Variants in PRKD1 observed in about 807,000 individuals in gnomAD.
The protein encoded by PRKD1 is serine/threonine-protein kinase D1.
In PRKD1, 63 loss-of-function variants were observed where a neutral mutation model predicts 95.9. That is an observed-to-expected ratio of 0.66 (90% CI 0.54 to 0.81). The LOEUF is 0.81. PRKD1 is among the 30% of genes least tolerant of loss of function. The pLI is 0.00. For synonymous variants in PRKD1, 425 were observed against 423.1 expected (o/e 1.00, Z -0.05); for missense variants, 1,048 against 1,165.3 (o/e 0.90, Z 1.47).
chr14:29,879,812 A>C (rs1746558718), intron 1 of PRKD1, among the ~76,000 whole-genome samples: 1 of 151,946 alleles, frequency 6.6e-6, no homozygotes, highest in South Asian at 2.1e-4. Flanking sequence ...AGCAAAGGTG[A>C]CTCTTGTTAT....
chr14:29,588,386 A>G (rs932832527), intron 16 of PRKD1, among the ~76,000 whole-genome samples: 2 of 152,106 alleles, frequency 1.3e-5, no homozygotes, highest in East Asian at 3.9e-4. Context: ...TACTGGCTAT[A>G]TTTTTCAATC....
At chr14:29,875,922 T>C (rs1208747088) in intron 1 of PRKD1, among the ~76,000 whole-genome samples, 2 of 152,122 alleles carry the variant, frequency 1.3e-5, no homozygotes, top group Non-Finnish European at 2.9e-5. Flanking sequence ...CCCTCCCACC[T>C]CTCTTTGACA....
intron 2 of PRKD1, among the ~76,000 whole-genome samples, chr14:29,697,379 A>G (rs1268783448): frequency 6.6e-6 from 1 of 152,198 alleles, no homozygotes; most frequent in Non-Finnish European, 1.5e-5. Flanking sequence ...CACAACTCCT[A>G]ACGTTTCTAT....
At chr14:29,736,509 TTAAAC>T (rs1886720668) in intron 1 of PRKD1, among the ~76,000 whole-genome samples, 1 of 152,176 alleles carries the variant, frequency 6.6e-6, no homozygotes, top group Non-Finnish European at 1.5e-5. Context: ...AAAACCCTCA[TTAAAC>T]TAAACAGGCT....
At chr14:29,612,526 G>A (rs1030757828) in intron 13 of PRKD1, among the ~76,000 whole-genome samples, 2 of 152,148 alleles carry the variant, frequency 1.3e-5, no homozygotes, top group Non-Finnish European at 2.9e-5. Flanking sequence ...CTAATGCACA[G>A]TTAAGGAAAC....
intron 1 of PRKD1, among the ~76,000 whole-genome samples, chr14:29,836,460 C>A (rs752567801): frequency 2.0e-5 from 3 of 152,096 alleles, no homozygotes; most frequent in Non-Finnish European, 4.4e-5. Context: ...AGGTGGGGTG[C>A]TCCTGAAGAA....
At chr14:29,589,208 T>G (rs1048053678) in intron 16 of PRKD1, among the ~76,000 whole-genome samples, 1 of 152,196 alleles carries the variant, frequency 6.6e-6, no homozygotes, top group African/African-American at 2.4e-5. Flanking sequence ...ATAATGGAAA[T>G]GTACTATGAC....
At chr14:29,668,601 T>G (rs1882658166) in intron 2 of PRKD1, among the ~76,000 whole-genome samples, 1 of 152,188 alleles carries the variant, frequency 6.6e-6, no homozygotes, top group Non-Finnish European at 1.5e-5. Flanking sequence ...TCTTTTATGG[T>G]TCATTATAAA....
At chr14:29,905,333 T>G (rs369432760) in intron 1 of PRKD1, among the ~76,000 whole-genome samples, 1 of 152,326 alleles carries the variant, frequency 6.6e-6, no homozygotes, top group South Asian at 2.1e-4. Flanking sequence ...TAGTCTTCCA[T>G]GTCCCTGCAC....
intron 10 of PRKD1, 29 bp from the exon 11 acceptor site, chr14:29,629,122 A>G (rs368065024): frequency 1.3e-6 from 2 of 1,579,670 alleles, no homozygotes; most frequent in African/African-American, 1.4e-5. Context: ...CAATATGCAC[A>G]CAAAAAGTCA....
At chr14:29,740,178 A>ATT (rs1381597400) in intron 1 of PRKD1, among the ~76,000 whole-genome samples, 3 of 152,178 alleles carry the variant, frequency 2.0e-5, no homozygotes, top group Non-Finnish European at 4.4e-5. Flanking sequence ...TGCAGCTTGG[A>ATT]AATGAAAAAA....
At chr14:29,578,903 C>A (rs1247553175) in intron 16 of PRKD1, among the ~76,000 whole-genome samples, 1 of 152,106 alleles carries the variant, frequency 6.6e-6, no homozygotes, top group African/African-American at 2.4e-5. Flanking sequence ...TGAAAACCAA[C>A]AGCCCAAGAA....
intron 13 of PRKD1, among the ~76,000 whole-genome samples, chr14:29,613,299 T>G (rs1002187246): frequency 1.2e-4 from 18 of 152,182 alleles, no homozygotes; most frequent in African/African-American, 4.3e-4. Flanking sequence ...TTCCAAAAAT[T>G]TTCATTTTCT....
intron 1 of PRKD1, among the ~76,000 whole-genome samples, chr14:29,789,273 T>A (rs1297687466): frequency 7.2e-5 from 11 of 152,304 alleles, no homozygotes; most frequent in South Asian, 6.2e-4. Flanking sequence ...TATGGAAAAA[T>A]TATTGTGAAC....
chr14:29,878,650 G>C (rs1893391698), intron 1 of PRKD1, among the ~76,000 whole-genome samples: 1 of 152,146 alleles, frequency 6.6e-6, no homozygotes, highest in Non-Finnish European at 1.5e-5. Flanking sequence ...AAATAAACTA[G>C]ACACAAAAGA....
chr14:29,876,268 T>C (rs372016322), intron 1 of PRKD1, among the ~76,000 whole-genome samples: 4 of 152,168 alleles, frequency 2.6e-5, no homozygotes, highest in South Asian at 2.1e-4. Context: ...TGTGGTTCCA[T>C]TTATATGTCA....
chr14:29,764,728 T>C (rs1167258099), intron 1 of PRKD1, among the ~76,000 whole-genome samples: 3 of 152,202 alleles, frequency 2.0e-5, no homozygotes, highest in African/African-American at 7.2e-5. Context: ...GCCACACCTC[T>C]TAAGAGTTTT....
At chr14:29,613,860 A>C (rs1217926393) in intron 13 of PRKD1, among the ~76,000 whole-genome samples, 3 of 152,188 alleles carry the variant, frequency 2.0e-5, no homozygotes, top group Non-Finnish European at 4.4e-5. Context: ...GAGAGCAAAA[A>C]GATTTTTTAT....
chr14:29,925,224 C>T (rs1895255464), intron 1 of PRKD1, among the ~76,000 whole-genome samples: 1 of 152,150 alleles, frequency 6.6e-6, no homozygotes, highest in South Asian at 2.1e-4. Context: ...TCCAGTATTT[C>T]TCCCAGTCTC....
Sources: allele counts gnomAD v4.1 joint callset (sites outside exome capture counted in the v4.1 genomes callset), GRCh38; gene constraint gnomAD v4.1.1; transcripts MANE v1.5; gene names NCBI Gene and HGNC (gene_info 2026-07-23, HGNC 2026-07-21).